PCDH15: variants seen among roughly 807,000 people sequenced by gnomAD.
PCDH15 encodes the protein protocadherin-15.
Under a neutral mutation model 178.5 loss-of-function variants are expected in PCDH15, and 129 were observed. That is an observed-to-expected ratio of 0.72 (90% CI 0.63 to 0.84). PCDH15 has a LOEUF of 0.84. PCDH15 is among the 40% of genes least tolerant of loss of function. The pLI is 0.00. For synonymous variants in PCDH15, 800 were observed against 732.0 expected, an observed-to-expected ratio of 1.09 and a Z score of -1.50; for missense variants, 2,230 against 2,099.9, an observed-to-expected ratio of 1.06 and a Z score of -1.21.
At chr10:53,812,787 G>C (rs1324047801) in intron 35 of PCDH15, among the ~76,000 whole-genome samples, 1 of 152,004 alleles carries the variant, frequency 6.6e-6, no homozygotes, top group Non-Finnish European at 1.5e-5. Context: ...CGAGAAGAGA[G>C]GGGGGAAAAG....
At chr10:54,865,214 G>T (rs1953916664) in intron 3 of PCDH15, among the ~76,000 whole-genome samples, 2 of 152,290 alleles carry the variant, frequency 1.3e-5, no homozygotes, top group South Asian at 4.1e-4. Flanking sequence ...TCAGCTGCCA[G>T]TGTGGCTAGA....
At chr10:53,913,144 T>C (rs1306887615) in intron 25 of PCDH15, among the ~76,000 whole-genome samples, 1 of 152,124 alleles carries the variant, frequency 6.6e-6, no homozygotes, top group African/African-American at 2.4e-5. Flanking sequence ...ACCACACATC[T>C]ACAACCATCT....
At chr10:54,141,045 CATACACATATTTATATGTATACAT>C (rs1456292632) in intron 14 of PCDH15, among the ~76,000 whole-genome samples, 1 of 151,408 alleles carries the variant, frequency 6.6e-6, no homozygotes, top group African/African-American at 2.4e-5. Flanking sequence ...AATATATACA[CATACACATATTTATATGTATACAT>C]ATACACATAG....
chr10:54,139,841 T>C (rs1294294766), intron 14 of PCDH15, among the ~76,000 whole-genome samples: 5 of 152,040 alleles, frequency 3.3e-5, no homozygotes, highest in African/African-American at 4.8e-5. Flanking sequence ...AGGAAGGTGA[T>C]AATGAAAAAA....
intron 2 of PCDH15, among the ~76,000 whole-genome samples, chr10:55,527,583 G>A (rs1841328838): frequency 1.3e-5 from 2 of 151,862 alleles, no homozygotes. Flanking sequence ...AATATTGTAA[G>A]GGACTCAGTT....
chr10:54,564,362 T>A (rs890951971), intron 2 of PCDH15, among the ~76,000 whole-genome samples: 1 of 152,144 alleles, frequency 6.6e-6, no homozygotes, highest in South Asian at 2.1e-4. Context: ...GGAATTAAAG[T>A]CAGCATAATC....
chr10:54,567,839 A>C (rs563646150), intron 2 of PCDH15, among the ~76,000 whole-genome samples: 1 of 152,310 alleles, frequency 6.6e-6, no homozygotes, highest in African/African-American at 2.4e-5. Flanking sequence ...TGAAGAAGTC[A>C]CAGAGTTACA....
chr10:55,560,118 T>C (rs1053982580), intron 2 of PCDH15, among the ~76,000 whole-genome samples: 7 of 151,908 alleles, frequency 4.6e-5, no homozygotes. Context: ...GTATCATTTG[T>C]AAAATGGCCT....
intron 14 of PCDH15, among the ~76,000 whole-genome samples, chr10:54,140,454 G>A (rs753647213): frequency 3.3e-5 from 5 of 151,610 alleles, no homozygotes; most frequent in Admixed American, 1.3e-4. Context: ...TTGAGGGTTG[G>A]ACTACTGTTT....
intron 3 of PCDH15, among the ~76,000 whole-genome samples, chr10:54,815,014 C>G (rs1201065378): frequency 1.3e-5 from 2 of 152,094 alleles, no homozygotes; most frequent in East Asian, 1.9e-4. Flanking sequence ...TCAAATGCCC[C>G]TCTTCTGCAC....
At chr10:55,488,574 C>T (rs1050878717) in intron 2 of PCDH15, among the ~76,000 whole-genome samples, 3 of 151,348 alleles carry the variant, frequency 2.0e-5, no homozygotes, top group Non-Finnish European at 3.0e-5. Flanking sequence ...TTTTTCAGAC[C>T]ATTATTATTA....
At chr10:55,475,950 A>G (rs1217036342) in intron 2 of PCDH15, among the ~76,000 whole-genome samples, 2 of 152,244 alleles carry the variant, frequency 1.3e-5, no homozygotes, top group East Asian at 3.9e-4. Context: ...ATCAACTGCC[A>G]GTTGCACTAT....
chr10:54,168,061 C>A (rs974798998), intron 13 of PCDH15, among the ~76,000 whole-genome samples: 3 of 151,876 alleles, frequency 2.0e-5, no homozygotes, highest in African/African-American at 7.3e-5. Context: ...CCTGTGTTCT[C>A]AAAAACTTAA....
At chr10:54,062,244 AAAAAAAAACAAAAAAC>A (rs1484584481) in intron 18 of PCDH15, among the ~76,000 whole-genome samples, 11 of 144,388 alleles carry the variant, frequency 7.6e-5, no homozygotes, top group Non-Finnish European at 1.1e-4. Flanking sequence ...AAAAAAAAAA[AAAAAAAAACAAAAAAC>A]AACTAAATGA....
chr10:54,268,636 T>C (rs2057849243), intron 8 of PCDH15, among the ~76,000 whole-genome samples: 1 of 151,900 alleles, frequency 6.6e-6, no homozygotes, highest in African/African-American at 2.4e-5. Flanking sequence ...TGGATGCCAT[T>C]ATGCTAAGCA....
At chr10:53,983,633 T>G (rs1184326245) in intron 21 of PCDH15, among the ~76,000 whole-genome samples, 1 of 152,196 alleles carries the variant, frequency 6.6e-6, no homozygotes, top group Non-Finnish European at 1.5e-5. Flanking sequence ...TTGGGAAATG[T>G]GCTTTTCAAA....
chr10:53,987,418 G>T (rs1227600389), intron 21 of PCDH15, among the ~76,000 whole-genome samples: 1 of 152,086 alleles, frequency 6.6e-6, no homozygotes, highest in African/African-American at 2.4e-5. Context: ...AAGAGTGGAT[G>T]GGTCAGAATA....
intron 26 of PCDH15, among the ~76,000 whole-genome samples, chr10:53,881,196 G>A (rs2080690731): frequency 1.3e-5 from 2 of 152,182 alleles, no homozygotes; most frequent in South Asian, 4.1e-4. Flanking sequence ...AAAATTTCAG[G>A]ATTTGTTAGC....
intron 21 of PCDH15, 142 bp from the exon 22 acceptor site, chr10:53,962,034 A>T: frequency 1.5e-6 from 1 of 680,552 alleles, no homozygotes; most frequent in Non-Finnish European, 2.5e-6. Flanking sequence ...CAGAGCTGAA[A>T]TGTAGCCAGA....
Sources: allele counts gnomAD v4.1 joint callset (sites outside exome capture counted in the v4.1 genomes callset), GRCh38; gene constraint gnomAD v4.1.1; transcripts MANE v1.5; gene names NCBI Gene and HGNC (gene_info 2026-07-23, HGNC 2026-07-21).